CSMD3: variants seen among roughly 807,000 people sequenced by gnomAD.
CSMD3 encodes CUB and Sushi multiple domains 3, also known as CUB and sushi domain-containing protein 3.
In CSMD3, 177 loss-of-function variants were observed where a neutral mutation model predicts 435.2. The ratio of observed to expected loss-of-function variants is 0.41; its 90% confidence interval spans 0.36 to 0.46. CSMD3 has a LOEUF of 0.46. Among genes scored for constraint, CSMD3 ranks in the 20% least tolerant of loss-of-function variants. CSMD3 has a pLI of 0.34. For missense variants in CSMD3, 4,265 were observed against 4,504.6 expected, an observed-to-expected ratio of 0.95 and a Z score of 1.52; for synonymous variants, 1,656 against 1,520.5, an observed-to-expected ratio of 1.09 and a Z score of -2.07.
intron 38 of CSMD3, among the ~76,000 whole-genome samples, chr8:112,360,290 A>T (rs1445433759): frequency 6.6e-6 from 1 of 151,990 alleles, no homozygotes; most frequent in Non-Finnish European, 1.5e-5. Flanking sequence ...ATAAAAAACT[A>T]TCAAAATCCA....
chr8:113,182,573 A>C (rs1360381527), intron 3 of CSMD3, among the ~76,000 whole-genome samples: 4 of 151,870 alleles, frequency 2.6e-5, no homozygotes, highest in African/African-American at 9.7e-5. Context: ...AAAAACAAAA[A>C]AAACTCACAA....
chr8:112,526,026 G>T (rs1056824774), intron 27 of CSMD3, among the ~76,000 whole-genome samples: 2 of 149,334 alleles, frequency 1.3e-5, no homozygotes, highest in Non-Finnish European at 3.0e-5. Flanking sequence ...TTCTTCTAAA[G>T]AAATCACACT....
intron 13 of CSMD3, among the ~76,000 whole-genome samples, chr8:112,724,307 T>A (rs916341133): frequency 6.6e-6 from 1 of 151,920 alleles, no homozygotes; most frequent in Non-Finnish European, 1.5e-5. Flanking sequence ...AAACGAGAAA[T>A]CAGGTATAGT....
intron 61 of CSMD3, among the ~76,000 whole-genome samples, chr8:112,256,842 T>G (rs961849932): frequency 5.9e-5 from 9 of 152,254 alleles, no homozygotes; most frequent in Middle Eastern, 3.4e-3. Context: ...AGGTTGGGTG[T>G]CCATAAAATG....
intron 13 of CSMD3, among the ~76,000 whole-genome samples, chr8:112,735,742 G>C (rs574250822): frequency 1.3e-5 from 2 of 151,920 alleles, no homozygotes; most frequent in African/African-American, 4.8e-5. Flanking sequence ...TTCAGGCAAC[G>C]TCATTCTCAT....
At chr8:113,165,795 T>C (rs1357022836) in intron 4 of CSMD3, among the ~76,000 whole-genome samples, 3 of 152,076 alleles carry the variant, frequency 2.0e-5, no homozygotes, top group African/African-American at 7.2e-5. Context: ...AAAAATGTTT[T>C]AGCTATTGCA....
At chr8:113,050,970 T>C (rs1022798468) in intron 5 of CSMD3, among the ~76,000 whole-genome samples, 2 of 152,078 alleles carry the variant, frequency 1.3e-5, no homozygotes, top group Admixed American at 6.5e-5. Flanking sequence ...AACAGTGACA[T>C]AACATTTGGT....
At chr8:113,301,389 A>C (rs957042184) in intron 2 of CSMD3, among the ~76,000 whole-genome samples, 1 of 152,158 alleles carries the variant, frequency 6.6e-6, no homozygotes, top group Non-Finnish European at 1.5e-5. Flanking sequence ...TAGTATTCTA[A>C]TAAATATATT....
At chr8:113,322,953 C>T (rs976246358) in intron 1 of CSMD3, among the ~76,000 whole-genome samples, 1 of 152,064 alleles carries the variant, frequency 6.6e-6, no homozygotes, top group Non-Finnish European at 1.5e-5. Context: ...ACTATGCTGG[C>T]CAGGCTGGTC....
intron 10 of CSMD3, among the ~76,000 whole-genome samples, chr8:112,891,915 A>T (rs889011772): frequency 6.6e-6 from 1 of 150,836 alleles, no homozygotes; most frequent in Non-Finnish European, 1.5e-5. Flanking sequence ...GTGTGTGTGT[A>T]TGTGTGTGTG....
intron 6 of CSMD3, among the ~76,000 whole-genome samples, chr8:112,995,334 GGT>G (rs2085610094): frequency 1.3e-5 from 2 of 151,298 alleles, no homozygotes; most frequent in African/African-American, 4.8e-5. Flanking sequence ...ATTTAGTTTT[GGT>G]ATAATAATGT....
intron 32 of CSMD3, among the ~76,000 whole-genome samples, chr8:112,432,465 A>C (rs1356674299): frequency 1.3e-5 from 2 of 151,980 alleles, no homozygotes; most frequent in African/African-American, 4.8e-5. Flanking sequence ...CACCACACAC[A>C]AATAATTTAT....
chr8:113,260,695 T>C (rs535955488), intron 3 of CSMD3, among the ~76,000 whole-genome samples: 4 of 152,260 alleles, frequency 2.6e-5, no homozygotes, highest in Admixed American at 2.6e-4. Context: ...GCCATGGTAG[T>C]TTGCTGCCCC....
intron 5 of CSMD3, among the ~76,000 whole-genome samples, chr8:113,045,758 C>T (rs74602982): frequency 6.7e-6 from 1 of 149,576 alleles, no homozygotes; most frequent in East Asian, 1.9e-4. Flanking sequence ...TCAACTTACA[C>T]TTGTGCCTCA....
chr8:112,320,011 T>C (rs2130867929), intron 45 of CSMD3, 30 bp from the exon 46 acceptor site: 2 of 1,451,516 alleles, frequency 1.4e-6, no homozygotes, highest in Non-Finnish European at 9.7e-7. Context: ...GTTTATTCCT[T>C]TTCTGTGCAG....
chr8:113,351,590 T>A (rs1317013259), intron 1 of CSMD3, among the ~76,000 whole-genome samples: 2 of 152,098 alleles, frequency 1.3e-5, no homozygotes, highest in Non-Finnish European at 2.9e-5. Flanking sequence ...TAGTAATATT[T>A]CCTTTAGTCC....
chr8:112,670,399 TAC>T (rs949800893), intron 16 of CSMD3, among the ~76,000 whole-genome samples: 2 of 152,120 alleles, frequency 1.3e-5, no homozygotes, highest in African/African-American at 4.8e-5. Context: ...TATGTATATA[TAC>T]ACACACACGT....
At chr8:112,380,586 A>C in intron 37 of CSMD3, 130 bp from the exon 38 acceptor site, 1 of 631,324 alleles carries the variant, frequency 1.6e-6, no homozygotes, top group East Asian at 2.8e-5. Context: ...TTTCAAAAAA[A>C]ATTTAATAGA....
At chr8:112,765,071 A>G (rs960169820) in intron 13 of CSMD3, among the ~76,000 whole-genome samples, 8 of 151,802 alleles carry the variant, frequency 5.3e-5, no homozygotes, top group Admixed American at 4.6e-4. Context: ...AGATCTGATC[A>G]TGAAGAGCTT....
Sources: gnomAD v4.1 joint callset for allele counts (sites outside exome capture counted in the v4.1 genomes callset) on GRCh38, gnomAD v4.1.1 for gene constraint, MANE v1.5 for transcripts, NCBI Gene and HGNC (gene_info 2026-07-23, HGNC 2026-07-21) for gene names.